ZNF320: variants seen among roughly 807,000 people sequenced by gnomAD.
ZNF320 encodes zinc finger gene 320.
ZNF320 carries 2 observed loss-of-function variants against 6.8 expected under a neutral mutation model. The ratio of observed to expected loss-of-function variants is 0.29; its 90% CI spans 0.12 to 0.93. The LOEUF is 0.93. Ranked by LOEUF, ZNF320 falls within the 40% of genes least tolerant of loss-of-function variation. The pLI is 0.55. For missense variants in ZNF320, 472 were observed against 611.0 expected (o/e 0.77, Z 2.40); for synonymous variants, 208 against 203.2 (o/e 1.02, Z -0.20).
upstream of ZNF320, among the ~76,000 whole-genome samples, chr19:52,898,910 G>A (rs1018964328): frequency 6.6e-6 from 1 of 152,232 alleles, no homozygotes; most frequent in Non-Finnish European, 1.5e-5. Context: ...CCCCGGGGCT[G>A]CCTGTCTTTG....
chr19:52,887,552 A>C (rs771451169), intron 5 of ZNF320, among the ~76,000 whole-genome samples: 1 of 152,332 alleles, frequency 6.6e-6, no homozygotes, highest in Non-Finnish European at 1.5e-5. Flanking sequence ...CAGGAGAAGC[A>C]AACAGGGAAC....
chr19:52,894,486 C>T (rs1221897561), intron 1 of ZNF320, among the ~76,000 whole-genome samples: 1 of 152,080 alleles, frequency 6.6e-6, no homozygotes, highest in Non-Finnish European at 1.5e-5. Context: ...GTTCTGATGG[C>T]ATGAATCCTA....
chr19:52,881,434 G>T lies in ZNF320; in HGVS notation c.692C>A (p.Thr231Asn). ...ECGKVFDQKA[T>N]LACHHRSHTG... ...ATGACTTCTATGATGACATGCAAGG[G>T]TTGCTTTTTGATCAAAAACCTTGCC... is the stretch of plus-strand genomic sequence containing the variant. Residue 231 changes from threonine (T) to asparagine (N), a missense_variant, in exon 6 of 6, where the codon ACC becomes AAC. Around this residue, in one of 2 missense-constraint regions of ZNF320, gnomAD observed 462 missense variants for 559.7 expected, o/e 0.83. Transcript: ENST00000682928. The T allele has an allele frequency of 2.5e-6, 4 of 1,613,236 alleles. No homozygotes were observed. Among genetic ancestry groups the T allele is most frequent in the Non-Finnish European group, 3.4e-6 (4 of 1,179,764 alleles).
At chr19:52,865,919 T>TTA (rs1412884944) in intron 5 of ZNF320, among the ~76,000 whole-genome samples, 41 of 78,906 alleles carry the variant, frequency 5.2e-4, no homozygotes, top group South Asian at 1.4e-3. Flanking sequence ...ACACATATAT[T>TTA]TATATATGAT....
chr19:52,872,994 A>G (rs1234616234), downstream of ZNF320, among the ~76,000 whole-genome samples: 1 of 152,184 alleles, frequency 6.6e-6, no homozygotes, highest in Non-Finnish European at 1.5e-5. Context: ...TTACACAAAC[A>G]TCTCAGTGCA....
At chr19:52,894,381 C>CAA (rs35688862) in intron 1 of ZNF320, among the ~76,000 whole-genome samples, 6 of 98,098 alleles carry the variant, frequency 6.1e-5, no homozygotes, top group Admixed American at 9.3e-5. Context: ...AAGACTGTCT[C>CAA]AAAAAAAAAA....
upstream of ZNF320, among the ~76,000 whole-genome samples, chr19:52,901,446 TC>T (rs1467849319): frequency 1.3e-5 from 2 of 152,176 alleles, no homozygotes; most frequent in Non-Finnish European, 2.9e-5. Flanking sequence ...CTTGTCATCT[TC>T]TTCAGAGTCA....
chr19:52,869,565 G>A (rs2063642420), intron 5 of ZNF320, among the ~76,000 whole-genome samples: 1 of 151,950 alleles, frequency 6.6e-6, no homozygotes, highest in Non-Finnish European at 1.5e-5. Context: ...GAGATGGAGT[G>A]TCACTCTTTT....
In ZNF320 at chr19:52,878,275, AG is replaced by A. The variant is rs1391149826; in HGVS notation, c.*2320del. 1.8e-5 allele frequency: 2 copies of A among 111,010 alleles called. No homozygotes were observed. Among genetic ancestry groups the A allele is most frequent in the African/African-American group, 7.4e-5 (2 of 26,960 alleles). The allele number at this position is 111,010 out of a possible 1,614,324, so 6.9% of individuals were successfully genotyped here. A position where few individuals can be genotyped will look rare whatever the true frequency, so the allele number is the denominator to read the frequency against. Reference sequence around the variant, plus strand: ...TTTTTTTTTTTTTTTTTTGAGATGGAGTCTCGCTCTGTCACCCAGGCTGGAG... The same window carrying A: ...TTTTTTTTTTTTTTTTTTGAGATGGATCTCGCTCTGTCACCCAGGCTGGAG... On this transcript the variant is annotated 3_prime_UTR_variant, in exon 6 of 6. Transcript: ENST00000682928.
chr19:52,886,116 G>C lies in ZNF320; in HGVS notation c.142+2011C>G, dbSNP rs778952266. Among the ~76,000 whole-genome samples, 190 of 151,992 alleles carry C rather than the reference G, an allele frequency of 1.3e-3. 1 individual carries two copies. Among genetic ancestry groups the C allele is most frequent in the Non-Finnish European group, 1.8e-3 (123 of 67,960 alleles). ...TACTGGAGAAGAAGTAGTTTTTGTAGGTTATGGAATTTTTTTATTTTTATT... is the reference window on the plus strand; with the variant it reads ...TACTGGAGAAGAAGTAGTTTTTGTACGTTATGGAATTTTTTTATTTTTATT... On this transcript the variant is annotated intron_variant, in intron 5 of 5. Coordinates refer to ENST00000682928, the MANE Select transcript of ZNF320 (RefSeq NM_001351774.2).
chr19:52,860,006 G>A (rs1404059682), downstream of ZNF320, among the ~76,000 whole-genome samples: 3 of 151,052 alleles, frequency 2.0e-5, no homozygotes, highest in East Asian at 3.9e-4. Flanking sequence ...TCCGCCTCCC[G>A]GGTTCACGCC....
intron 1 of ZNF320, among the ~76,000 whole-genome samples, chr19:52,894,399 C>A (rs1336378468): frequency 6.3e-4 from 42 of 66,312 alleles, no homozygotes; most frequent in South Asian, 4.0e-3. Flanking sequence ...AAAAAAAAAC[C>A]AAAAAACAAA....
At chr19:52,875,206 C>T (rs114030411), downstream of ZNF320, among the ~76,000 whole-genome samples, 1 of 152,158 alleles carries the variant, frequency 6.6e-6, no homozygotes, top group African/African-American at 2.4e-5. Context: ...CACTGTCACC[C>T]TCATCTGAGA....
chr19:52,874,947 G>A (rs1446809570), downstream of ZNF320, among the ~76,000 whole-genome samples: 2 of 152,192 alleles, frequency 1.3e-5, no homozygotes, highest in African/African-American at 2.4e-5. Flanking sequence ...GGAGCAGAGG[G>A]AGCGAGGAGG....
At position 52,877,813 on chromosome 19, in the gene ZNF320, T is replaced by C. The variant is rs1465446980; in HGVS notation, c.*2783A>G. On this transcript the variant is annotated 3_prime_UTR_variant, in exon 6 of 6. Coordinates refer to ENST00000682928, the MANE Select transcript of ZNF320 (RefSeq NM_001351774.2). ...ACTGATACTGTTTTATATAGATTTT[T>C]CCACAACAGTAAAGTCCAAGGGTCT... 1.3e-5 allele frequency: 2 copies of C among 152,052 alleles called. No homozygotes were observed. Among genetic ancestry groups the C allele is most frequent in the Admixed American group, 1.3e-4 (2 of 15,266 alleles). 9.4% of individuals were successfully genotyped at this position (152,052 alleles called of 1,614,324 possible). A position where few individuals can be genotyped will look rare whatever the true frequency, so the allele number is the denominator to read the frequency against.
chr19:52,863,661 G>A, exon 6 of ZNF320: 1 of 151,580 alleles, frequency 6.6e-6, no homozygotes, highest in Non-Finnish European at 1.5e-5. Context: ...AACCTCACAA[G>A]CTCCCTCAAT....
intron 5 of ZNF320, among the ~76,000 whole-genome samples, chr19:52,868,068 C>T (rs946819864): frequency 2.0e-5 from 3 of 152,136 alleles, no homozygotes; most frequent in African/African-American, 7.2e-5. Context: ...TCTGACAGGA[C>T]AGTGAAATGA....
At chr19:52,866,051 TGA>T (rs2063559842) in intron 5 of ZNF320, among the ~76,000 whole-genome samples, 3 of 119,242 alleles carry the variant, frequency 2.5e-5, no homozygotes, top group African/African-American at 6.3e-5. Flanking sequence ...TACATATATA[TGA>T]TTATACATAT....
chr19:52,888,590 A>AG (rs2064181089), intron 4 of ZNF320, among the ~76,000 whole-genome samples: 1 of 102,786 alleles, frequency 9.7e-6, no homozygotes, highest in African/African-American at 4.1e-5. Context: ...CGATTGCACC[A>AG]AGGCATTCTA....
Sources: gnomAD v4.1 joint callset for allele counts (sites outside exome capture counted in the v4.1 genomes callset) on GRCh38, gnomAD v4.1.1 for gene constraint, gnomAD v4.1.1 regional missense constraint, MANE v1.5 for transcripts, NCBI Gene and HGNC (gene_info 2026-07-23, HGNC 2026-07-21) for gene names.